The following CLPB variants were observed in gnomAD, a reference collection of about 807,000 sequenced individuals.
The protein encoded by CLPB is mitochondrial disaggregase.
A neutral mutation model predicts 78.4 loss-of-function variants in CLPB; 40 were observed. The ratio of observed to expected loss-of-function variants is 0.51; its 90% confidence interval spans 0.40 to 0.66. The LOEUF is 0.66. CLPB is among the 30% of genes least tolerant of loss of function. The pLI is 0.00. For synonymous variants in CLPB, 333 were observed against 348.0 expected (o/e 0.96, Z 0.48); for missense variants, 780 against 886.9 (o/e 0.88, Z 1.53).
chr11:72,361,602 A>T (rs2034201314), intron 4 of CLPB, among the ~76,000 whole-genome samples: 1 of 152,220 alleles, frequency 6.6e-6, no homozygotes, highest in Non-Finnish European at 1.5e-5. Flanking sequence ...TGAAAAAGGA[A>T]TTCAGAGTAC....
intron 5 of CLPB, among the ~76,000 whole-genome samples, chr11:72,330,555 G>A (rs1478178901): frequency 6.6e-6 from 1 of 152,212 alleles, no homozygotes; most frequent in African/African-American, 2.4e-5. Flanking sequence ...CAGTTATGGA[G>A]GAAAGGTCAC....
rs552560885 is a variant in CLPB, at chr11:72,318,298, CATCTG to C, written c.874-1083_874-1079del. Among the ~76,000 whole-genome samples, 695 of 152,234 alleles carry C rather than the reference CATCTG, an allele frequency of 4.6e-3. 4 individuals are homozygous for C. Among genetic ancestry groups the C allele is most frequent in the Middle Eastern group, 0.044 (13 of 294 alleles). ...AAAGGAAAGACACATAAGTGTGGAACATCTGTTGGGGGGCTTTCTGGGGAACAGGA... is the reference window on the plus strand; with the variant it reads ...AAAGGAAAGACACATAAGTGTGGAACTTGGGGGGCTTTCTGGGGAACAGGA... On this transcript the variant is annotated intron_variant, in intron 6 of 15. Transcript: ENST00000538039.
chr11:72,429,846 T>G (rs181344081), intron 2 of CLPB, among the ~76,000 whole-genome samples: 3 of 152,264 alleles, frequency 2.0e-5, no homozygotes, highest in Non-Finnish European at 4.4e-5. Flanking sequence ...AAGCCAGGTA[T>G]GGGCCCCTGG....
At chr11:72,408,252 G>C in intron 2 of CLPB, 1 of 1,305,870 alleles carries the variant, frequency 7.7e-7, no homozygotes, top group Non-Finnish European at 1.1e-6. Flanking sequence ...CCAAAGGCTG[G>C]AGTTCAGATT....
At chr11:72,364,005 T>C (rs1950892311) in intron 4 of CLPB, among the ~76,000 whole-genome samples, 1 of 152,210 alleles carries the variant, frequency 6.6e-6, no homozygotes, top group South Asian at 2.1e-4. Context: ...TGCCCCTTCT[T>C]GCCACTGCTC....
intron 9 of CLPB, chr11:72,303,883 C>A (rs1447074936): frequency 6.6e-6 from 1 of 152,244 alleles, no homozygotes; most frequent in Non-Finnish European, 1.5e-5. Flanking sequence ...ATTAAAGTAA[C>A]TTGCTCAAGG....
chr11:72,338,493 T>A (rs1281698850), intron 5 of CLPB, among the ~76,000 whole-genome samples: 1 of 152,170 alleles, frequency 6.6e-6, no homozygotes, highest in Non-Finnish European at 1.5e-5. Context: ...AGCTTTCACT[T>A]CCTTAGCACC....
chr11:72,415,223 A>G (rs886974094), intron 2 of CLPB, among the ~76,000 whole-genome samples: 1 of 152,184 alleles, frequency 6.6e-6, no homozygotes, highest in Non-Finnish European at 1.5e-5. Flanking sequence ...TCAAAAAAAA[A>G]GAAAAAGAAA....
chr11:72,335,614 A>C (rs1230801857), intron 5 of CLPB, among the ~76,000 whole-genome samples: 1 of 152,146 alleles, frequency 6.6e-6, no homozygotes, highest in African/African-American at 2.4e-5. Context: ...CTTCCACCCC[A>C]GGTTGGGTAC....
intron 4 of CLPB, among the ~76,000 whole-genome samples, chr11:72,379,153 C>T (rs887041015): frequency 4.6e-5 from 7 of 152,182 alleles, no homozygotes; most frequent in African/African-American, 1.7e-4. Context: ...TACCACATAC[C>T]ACGTCAGTCT....
intron 4 of CLPB, among the ~76,000 whole-genome samples, chr11:72,377,021 T>C (rs1039103691): frequency 6.6e-6 from 1 of 152,214 alleles, no homozygotes; most frequent in African/African-American, 2.4e-5. Context: ...CAGTATGGGT[T>C]CCCTAAGAAC....
At chr11:72,380,164 G>T in intron 4 of CLPB, 117 bp downstream of exon 4, 2 of 761,754 alleles carry the variant, frequency 2.6e-6, no homozygotes, top group Non-Finnish European at 2.3e-6. Context: ...AGTCCACAGA[G>T]GTAAAGAACA....
In CLPB at chr11:72,288,787, AAGT is replaced by A. The variant is rs1949418649; in HGVS notation, c.*4577_*4579del. 6.6e-6 allele frequency: 1 copy of A among 152,304 alleles called. No homozygotes were observed. Among genetic ancestry groups the A allele is most frequent in the Non-Finnish European group, 1.5e-5 (1 of 68,104 alleles). The allele number at this position is 152,304 out of a possible 1,614,324, so 9.4% of individuals were successfully genotyped here. ...CATTCTAGTGATGAAGACACAGAAC[AAGT>A]AGGACAAGTGAGCTGAGCCTGGGAT... On this transcript the variant is annotated 3_prime_UTR_variant, in exon 16 of 16. Coordinates refer to ENST00000538039, the MANE Select transcript of CLPB (RefSeq NM_001258392.3).
In CLPB at chr11:72,434,264, C is replaced by A. The variant is rs138797911; in HGVS notation, c.211G>T (p.Gly71Trp). The A allele has an allele frequency of 3.1e-6, 5 of 1,613,282 alleles. No homozygotes were observed. The highest frequency in any genetic ancestry group is 1.7e-6 in the Non-Finnish European group (2 of 1,179,896). Residue 71 changes from glycine (G) to tryptophan (W), a missense_variant, in exon 1 of 16, where the codon GGG (glycine) becomes TGG (tryptophan). By Grantham distance (184) the Gly-to-Trp change is radical. Coordinates refer to ENST00000538039, the MANE Select transcript of CLPB (RefSeq NM_001258392.3). ...TCGAAGCGTCCTCCCTGGCGCCCCC[C>A]GGTGGCTGCCCCACGTCCGGAGAAC... is the stretch of plus-strand genomic sequence containing the variant. ...ALFSGRGAAT[G>W]GRQGGRFDTK...
Position 72,288,503 on chromosome 11 carries a change from A to C in CLPB, c.*4864T>G, listed in dbSNP as rs1421497225. The C allele has an allele frequency of 6.6e-6, 1 of 152,308 alleles. No homozygotes were observed. The highest frequency in any genetic ancestry group is 2.4e-5 in the African/African-American group (1 of 41,422). The allele number at this position is 152,308 out of a possible 1,614,324, so 9.4% of individuals were successfully genotyped here. A position where few individuals can be genotyped will look rare whatever the true frequency, so the allele number is the denominator to read the frequency against. ...GACTCTGTCTCAAAAAACAAAACAA[A>C]ACAAAAGAAATCTGGGTCTCACCTT... is the stretch of plus-strand genomic sequence containing the variant. On this transcript the variant is annotated 3_prime_UTR_variant, in exon 16 of 16. Transcript: ENST00000538039.
At chr11:72,388,875 G>A (rs1855165194) in intron 3 of CLPB, among the ~76,000 whole-genome samples, 1 of 152,172 alleles carries the variant, frequency 6.6e-6, no homozygotes, top group Non-Finnish European at 1.5e-5. Flanking sequence ...ACGGTAGAAG[G>A]CTAGCCAGGT....
In CLPB at chr11:72,294,051, G is replaced by A; in HGVS notation, c.1756C>T (p.His586Tyr). 1 of 1,614,102 alleles carries A rather than the reference G, an allele frequency of 6.2e-7. No individual in the cohort carries two copies. Among genetic ancestry groups the A allele is most frequent in the Non-Finnish European group, 8.5e-7 (1 of 1,179,988 alleles). The change falls in exon 15 of 16, where the codon CAC becomes TAC. Residue 586 changes from histidine (H) to tyrosine (Y), a missense_variant. Coordinates refer to ENST00000538039, the MANE Select transcript of CLPB (RefSeq NM_001258392.3). Reference protein sequence around the residue: ...ADVLVDGYNVHYGARSIKHEV... With the variant: ...ADVLVDGYNVYYGARSIKHEV... ...TGTTTGATGGAGCGGGCGCCATAGT[G>A]CACATTGTAGCCGTCGACCAGCACA...
At position 72,290,672 on chromosome 11, in the gene CLPB, G is replaced by A. The variant is rs1949439977; in HGVS notation, c.*2695C>T. 1 of 152,160 alleles carries A rather than the reference G, an allele frequency of 6.6e-6. No homozygotes were observed. The highest frequency in any genetic ancestry group is 6.5e-5 in the Admixed American group (1 of 15,274). The allele number at this position is 152,160 out of a possible 1,614,324, so 9.4% of individuals were successfully genotyped here. ...AGTTACCACCACCTAGTCTAGGTGT[G>A]GTGGCTCATGCCTGTAATCTCAGCA... On this transcript the variant is annotated 3_prime_UTR_variant, in exon 16 of 16. Coordinates refer to ENST00000538039, the MANE Select transcript of CLPB (RefSeq NM_001258392.3).
At chr11:72,360,183 G>A (rs1432504770) in intron 4 of CLPB, among the ~76,000 whole-genome samples, 1 of 152,160 alleles carries the variant, frequency 6.6e-6, no homozygotes, top group Admixed American at 6.5e-5. Context: ...AGTTTGTAGG[G>A]GTAGAATTTG....
Sources: allele counts gnomAD v4.1 joint callset (sites outside exome capture counted in the v4.1 genomes callset), GRCh38; gene constraint gnomAD v4.1.1; transcripts MANE v1.5; gene names NCBI Gene and HGNC (gene_info 2026-07-23, HGNC 2026-07-21).